The following GTPBP1 variants were observed in gnomAD, a reference collection of about 807,000 sequenced individuals.
GTPBP1 encodes the protein GTP-binding protein 1.
A neutral mutation model predicts 62.0 loss-of-function variants in GTPBP1; 23 were observed. That is an observed-to-expected ratio of 0.37 (90% CI 0.27 to 0.53). The LOEUF (loss-of-function observed/expected upper bound fraction) is 0.53. Ranked by LOEUF, GTPBP1 falls within the 20% of genes least tolerant of loss-of-function variation. The probability of loss-of-function intolerance (pLI) is 0.89; values close to 1 mark genes in which losing one functional copy is unlikely to be tolerated. For missense variants in GTPBP1, 640 were observed against 917.3 expected, an observed-to-expected ratio of 0.70 and a Z score of 3.90; for synonymous variants, 344 against 364.4, an observed-to-expected ratio of 0.94 and a Z score of 0.64.
At chr22:38,741,088 T>C (rs766882888), downstream of GTPBP1, 2 of 1,572,702 alleles carry the variant, frequency 1.3e-6, no homozygotes, top group Admixed American at 1.9e-5. Context: ...GAAATACTCA[T>C]CTCAGAAATT....
intron 2 of GTPBP1, 143 bp downstream of exon 2, chr22:38,709,099 A>G (rs901916527): frequency 1.5e-5 from 8 of 545,392 alleles, no homozygotes; most frequent in Non-Finnish European, 2.7e-5. Context: ...CCTGGCCAAC[A>G]TGGTGAAACC....
In GTPBP1 at chr22:38,731,435, A is replaced by T. The variant is rs2092759909; in HGVS notation, c.*731A>T. Reference sequence around the variant, plus strand: ...ACATGTGGAGGGGAATGGCGATGGGATTATAGGACTCTCCCCATCTCGGGC... The same window carrying T: ...ACATGTGGAGGGGAATGGCGATGGGTTTATAGGACTCTCCCCATCTCGGGC... On this transcript the variant is annotated 3_prime_UTR_variant, in exon 12 of 12. Transcript: ENST00000216044. The T allele has an allele frequency of 6.6e-6, 1 of 152,542 alleles. No individual in the cohort carries two copies. The allele number at this position is 152,542 out of a possible 1,614,324, so 9.4% of individuals were successfully genotyped here. A position where few individuals can be genotyped will look rare whatever the true frequency, so the allele number is the denominator to read the frequency against.
chr22:38,742,816 G>A (rs1229054157), downstream of GTPBP1: 2 of 451,728 alleles, frequency 4.4e-6, no homozygotes, highest in Non-Finnish European at 7.9e-6. Flanking sequence ...GATCCCAGAG[G>A]AGGAAGGAAG....
At chr22:38,742,564 G>A, downstream of GTPBP1, 1 of 1,602,780 alleles carries the variant, frequency 6.2e-7, no homozygotes, top group South Asian at 1.1e-5. Context: ...GCCTGGAAGG[G>A]CAGAGAGAGA....
chr22:38,716,146 C>G lies in GTPBP1; in HGVS notation c.485+59C>G, dbSNP rs182693913. 1.1e-5 allele frequency: 15 copies of G among 1,378,018 alleles called. No individual in the cohort carries two copies. The highest frequency in any genetic ancestry group is 1.2e-5 in the Non-Finnish European group (12 of 991,598). 85.4% of individuals were successfully genotyped at this position (1,378,018 alleles called of 1,614,324 possible). A position where few individuals can be genotyped will look rare whatever the true frequency, so the allele number is the denominator to read the frequency against. On this transcript the variant is annotated intron_variant, in intron 3 of 11. Transcript: ENST00000216044. The surrounding 1 kb of genome is among the most constrained non-coding windows in gnomAD (Gnocchi z 5.2). ...TTCTTCACAGAGGTTGGTGACTGAG[C>G]CTGTGGCACTTGGCGTGTCAGCTCC...
intron 4 of GTPBP1, among the ~76,000 whole-genome samples, chr22:38,719,132 A>C (rs547558446): frequency 1.3e-5 from 2 of 152,010 alleles, no homozygotes; most frequent in South Asian, 4.1e-4. Context: ...CAGCTTCCCG[A>C]GTAGCTGGGA....
In GTPBP1 at chr22:38,727,215, C is replaced by G. The variant is rs1421158163; in HGVS notation, c.1404C>G (p.Ile468Met). The G allele has an allele frequency of 6.3e-7, 1 of 1,575,288 alleles. No homozygotes were observed. The highest frequency in any genetic ancestry group is 8.6e-7 in the Non-Finnish European group (1 of 1,161,460). Residue 468 changes from isoleucine to methionine, a missense_variant and splice_region_variant, in exon 9 of 12, where the codon ATC becomes ATG. By Grantham distance (10) the Ile-to-Met change is conservative. Around this residue, in one of 4 missense-constraint regions of GTPBP1, gnomAD observed 220 missense variants for 358.1 expected, o/e 0.61. Transcript: ENST00000216044. The surrounding 1 kb of genome is among the most constrained non-coding windows in gnomAD (Gnocchi z 6.5). ...CTGGGGCTCCCTCTTTCTTTCAGAT[C>G]AAGCGCTCGTCCATCCGGAAGGGCA... ...GQTASFALKK[I>M]KRSSIRKGMV...
chr22:38,719,436 T>C (rs1404485072), intron 4 of GTPBP1, among the ~76,000 whole-genome samples: 1 of 152,122 alleles, frequency 6.6e-6, no homozygotes, highest in African/African-American at 2.4e-5. Flanking sequence ...GCCTCCCAAG[T>C]ACCTAGGACC....
At chr22:38,722,887 C>T (rs188424091) in intron 5 of GTPBP1, 202 of 1,325,200 alleles carry the variant, frequency 1.5e-4, no homozygotes, top group Middle Eastern at 3.8e-4. Flanking sequence ...GTTTCTTCCA[C>T]GCTTCGGCCC....
downstream of GTPBP1, chr22:38,740,351 C>T (rs1569296699): frequency 2.5e-6 from 4 of 1,586,066 alleles, no homozygotes; most frequent in South Asian, 4.6e-5. This position sits in a 1 kb window ranked among gnomAD's most constrained non-coding sequence, Gnocchi z 4.8. Context: ...GAGCCGCCAG[C>T]TCCTGCTGCA....
chr22:38,717,527 T>C (rs2092677612), intron 4 of GTPBP1, among the ~76,000 whole-genome samples: 1 of 152,102 alleles, frequency 6.6e-6, no homozygotes, highest in South Asian at 2.1e-4. Flanking sequence ...TCTGGTACTA[T>C]GTGAGGTCTG....
At position 38,730,818 on chromosome 22, in the gene GTPBP1, C is replaced by T. The variant is rs1249052215; in HGVS notation, c.*114C>T. The T allele has an allele frequency of 1.8e-5, 11 of 607,328 alleles. No homozygotes were observed. Among genetic ancestry groups the T allele is most frequent in the African/African-American group, 3.8e-5 (2 of 52,210 alleles). The allele number at this position is 607,328 out of a possible 1,614,324, so 37.6% of individuals were successfully genotyped here. On this transcript the variant is annotated 3_prime_UTR_variant, in exon 12 of 12. Coordinates refer to ENST00000216044, the MANE Select transcript of GTPBP1 (RefSeq NM_004286.5). The surrounding 1 kb of genome is among the most constrained non-coding windows in gnomAD (Gnocchi z 5.6). ...CCAGCCCTCCCGCTCAGGCCACAGC[C>T]GGAGCCTCCGCATTGCCCCCACCCC...
chr22:38,708,760 A>G lies in GTPBP1; in HGVS notation c.193-85A>G, dbSNP rs1827884341. On this transcript the variant is annotated intron_variant, in intron 1 of 11. Coordinates refer to ENST00000216044, the MANE Select transcript of GTPBP1 (RefSeq NM_004286.5). ...GAGGGTGCTATGGGGTTCAGTCAGG[A>G]TCTTTGGTTAGGCTATATTGATCAG... 5.2e-5 allele frequency: 41 copies of G among 792,920 alleles called. No individual in the cohort carries two copies. The South Asian group carries it at 5.5e-4, about 11-fold the overall frequency. 49.1% of individuals were successfully genotyped at this position (792,920 alleles called of 1,614,324 possible). A position where few individuals can be genotyped will look rare whatever the true frequency, so the allele number is the denominator to read the frequency against.
chr22:38,737,920 G>A, downstream of GTPBP1: 2 of 669,094 alleles, frequency 3.0e-6, no homozygotes, highest in Non-Finnish European at 5.6e-6. This position sits in a 1 kb window ranked among gnomAD's most constrained non-coding sequence, Gnocchi z 4.1. Context: ...CCCCTCTTGT[G>A]TAAAGCCCAC....
chr22:38,720,680 C>A (rs1010485587), intron 4 of GTPBP1, among the ~76,000 whole-genome samples: 3 of 152,088 alleles, frequency 2.0e-5, no homozygotes, highest in Admixed American at 2.0e-4. Flanking sequence ...ATTTATGTAA[C>A]CAGTCCTTAC....
chr22:38,725,019 C>T (rs943152815), intron 6 of GTPBP1, among the ~76,000 whole-genome samples: 10 of 152,174 alleles, frequency 6.6e-5, no homozygotes, highest in African/African-American at 1.2e-4. Context: ...GATGCTCTCT[C>T]GATAATGGTG....
At chr22:38,737,726 C>T (rs1272769939), downstream of GTPBP1, 1 of 368,728 alleles carries the variant, frequency 2.7e-6, no homozygotes, top group African/African-American at 2.1e-5. The surrounding 1 kb of genome is among the most constrained non-coding windows in gnomAD (Gnocchi z 4.1). Flanking sequence ...GAACCAGACT[C>T]TCCTGGGGTG....
chr22:38,740,325 C>T, downstream of GTPBP1: 4 of 1,601,816 alleles, frequency 2.5e-6, no homozygotes, highest in Non-Finnish European at 3.4e-6. The surrounding 1 kb of genome is among the most constrained non-coding windows in gnomAD (Gnocchi z 4.8). Flanking sequence ...CGCCACCGAG[C>T]TCTGCTTCAG....
At chr22:38,724,684 G>A (rs929184339) in intron 6 of GTPBP1, among the ~76,000 whole-genome samples, 2 of 152,140 alleles carry the variant, frequency 1.3e-5, no homozygotes, top group Non-Finnish European at 2.9e-5. Context: ...AGACTTCAGT[G>A]TCCTTATCTG....
Sources: gnomAD v4.1 joint callset for allele counts (sites outside exome capture counted in the v4.1 genomes callset) on GRCh38, gnomAD v4.1.1 for gene constraint, gnomAD v4.1.1 regional missense constraint, Gnocchi (gnomAD v3.1) non-coding constraint, MANE v1.5 for transcripts, NCBI Gene and HGNC (gene_info 2026-07-23, HGNC 2026-07-21) for gene names.